IL18RAP: variants seen among roughly 807,000 people sequenced by gnomAD.
The protein encoded by IL18RAP is interleukin 18 receptor accessory protein.
A neutral mutation model predicts 58.1 loss-of-function variants in IL18RAP; 37 were observed. The observed-to-expected ratio is 0.64, with a 90% CI of 0.49 to 0.84. IL18RAP has a LOEUF of 0.84. Ranked by LOEUF, IL18RAP falls within the 40% of genes least tolerant of loss-of-function variation. The probability of loss-of-function intolerance (pLI) is 0.00; values close to 1 mark genes in which losing one functional copy is unlikely to be tolerated. For synonymous variants in IL18RAP, 268 were observed against 257.5 expected, an observed-to-expected ratio of 1.04 and a Z score of -0.39; for missense variants, 667 against 704.8, an observed-to-expected ratio of 0.95 and a Z score of 0.61.
chr2:102,438,405 T>G (rs1434976979), intron 4 of IL18RAP, among the ~76,000 whole-genome samples: 1 of 152,206 alleles, frequency 6.6e-6, no homozygotes, highest in African/African-American at 2.4e-5. Flanking sequence ...CTCCTGCCCC[T>G]TGCACCCTCT....
intron 1 of IL18RAP, 88 bp from the exon 2 acceptor site, chr2:102,423,723 C>A: frequency 1.1e-6 from 1 of 937,016 alleles, no homozygotes; most frequent in Non-Finnish European, 1.6e-6. Context: ...AGCTAGATCT[C>A]TTGTTAAATC....
chr2:102,445,820 T>TA (rs11334822), intron 7 of IL18RAP, among the ~76,000 whole-genome samples: 4,421 of 148,984 alleles, frequency 0.03, 71 homozygotes, highest in Middle Eastern at 0.062. Flanking sequence ...ACGGATATAT[T>TA]AAAAAAAAAA....
chr2:102,437,444 C>G, intron 4 of IL18RAP, 82 bp downstream of exon 4: 1 of 1,395,044 alleles, frequency 7.2e-7, no homozygotes, highest in Non-Finnish European at 9.8e-7. Flanking sequence ...AGTTTTTCCT[C>G]TTAGGGAAAG....
chr2:102,452,307 C>A lies in IL18RAP; in HGVS notation c.*126C>A. The A allele has an allele frequency of 1.1e-6, 1 of 904,914 alleles. No homozygotes were observed. Among genetic ancestry groups the A allele is most frequent in the Non-Finnish European group, 1.7e-6 (1 of 602,348 alleles). The allele number at this position is 904,914 out of a possible 1,614,324, so 56.1% of individuals were successfully genotyped here. A position where few individuals can be genotyped will look rare whatever the true frequency, so the allele number is the denominator to read the frequency against. On this transcript the variant is annotated 3_prime_UTR_variant, in exon 10 of 10. Transcript: ENST00000687160. ...CAAAGAGTCTCCTGCCAGCACCAAG[C>A]AAGCTTGATGGACAATGGAGTGGGA...
chr2:102,428,342 T>C (rs1682101801), intron 3 of IL18RAP, among the ~76,000 whole-genome samples: 2 of 151,222 alleles, frequency 1.3e-5, no homozygotes, highest in Admixed American at 1.3e-4. Context: ...CAGAATACTT[T>C]CATATTTATT....
chr2:102,437,964 G>A (rs1682859465), intron 4 of IL18RAP, among the ~76,000 whole-genome samples: 1 of 152,160 alleles, frequency 6.6e-6, no homozygotes, highest in African/African-American at 2.4e-5. Flanking sequence ...CCAATTTACA[G>A]CCCCATTAGC....
chr2:102,439,172 T>C (rs1450661694), intron 4 of IL18RAP: 1 of 152,216 alleles, frequency 6.6e-6, no homozygotes, highest in East Asian at 1.9e-4. Context: ...GGATTTTAAG[T>C]GGGAGAATGT....
rs908451321 is a variant in IL18RAP at position 102,441,401 on chromosome 2, G to A, written c.796+24G>A. 30 of 1,585,352 alleles carry A rather than the reference G, an allele frequency of 1.9e-5. No individual in the cohort carries two copies. The Admixed American group carries it at 3.8e-4, about 20-fold the overall frequency. On this transcript the variant is annotated intron_variant, in intron 5 of 9. Transcript: ENST00000687160. ...TGGTAAGCTGGGCCTCATCGCCTTT[G>A]AATGACATCGTGCTGCTGGGAGCAG...
chr2:102,442,321 A>G (rs1683154236), intron 5 of IL18RAP, among the ~76,000 whole-genome samples: 1 of 151,964 alleles, frequency 6.6e-6, no homozygotes, highest in African/African-American at 2.4e-5. Context: ...TTATTATTAT[A>G]CTTTCTAAAA....
chr2:102,429,727 A>C (rs553878318), intron 3 of IL18RAP, among the ~76,000 whole-genome samples: 3 of 152,088 alleles, frequency 2.0e-5, no homozygotes, highest in African/African-American at 7.2e-5. Flanking sequence ...TTCCCTCAGG[A>C]CTGCTTTCGC....
At chr2:102,422,275 T>C (rs1055799900), upstream of IL18RAP, among the ~76,000 whole-genome samples, 1 of 152,250 alleles carries the variant, frequency 6.6e-6, no homozygotes, top group Non-Finnish European at 1.5e-5. Context: ...TTTCTCTGTC[T>C]GGATTGCCAA....
At position 102,443,315 on chromosome 2, in the gene IL18RAP, G is replaced by C. The variant is rs1445267626; in HGVS notation, c.912G>C (p.Glu304Asp). Residue 304 changes from glutamate to aspartate, a missense_variant, in exon 6 of 10, where the codon GAG becomes GAC. Physicochemically the swap from Glu to Asp is conservative, Grantham distance 45 (BLOSUM62 2). Coordinates refer to ENST00000687160, the MANE Select transcript of IL18RAP (RefSeq NM_001393487.1). ...SDLEWEVSVPEAKSIKSTLKD... is the reference protein window; with the variant it reads ...SDLEWEVSVPDAKSIKSTLKD... ...TAGAGTGGGAAGTCTCAGTACCTGA[G>C]GCGAAAAGGTAAGAAAAAAACTCAC... 1 of 1,611,974 alleles carries C rather than the reference G, an allele frequency of 6.2e-7. No individual in the cohort carries two copies.
chr2:102,446,674 G>T (rs549302184), intron 7 of IL18RAP, among the ~76,000 whole-genome samples: 301 of 152,012 alleles, frequency 2.0e-3, no homozygotes, highest in African/African-American at 7.1e-3. Flanking sequence ...GGTGGCGGGC[G>T]CCTGTAGTCC....
chr2:102,437,490 C>G (rs923441297), intron 4 of IL18RAP, 128 bp downstream of exon 4: 3 of 817,684 alleles, frequency 3.7e-6, no homozygotes, highest in Non-Finnish European at 5.2e-6. Context: ...CATGTAAAAC[C>G]TTTCATGTGG....
At chr2:102,424,559 T>C (rs1343360778) in intron 3 of IL18RAP, 145 bp downstream of exon 3, 2 of 668,046 alleles carry the variant, frequency 3.0e-6, no homozygotes, top group Non-Finnish European at 5.0e-6. Context: ...GAGATCTGAC[T>C]TTCTAAAATA....
At chr2:102,423,154 C>G (rs1681683845), upstream of IL18RAP, 4 of 947,930 alleles carry the variant, frequency 4.2e-6, no homozygotes, top group Non-Finnish European at 6.7e-6. Flanking sequence ...CTGACTTCTT[C>G]ATTTCCCATT....
At chr2:102,443,150 A>C (rs1052802958) in intron 5 of IL18RAP, 50 bp from the exon 6 acceptor site, 6 of 1,570,106 alleles carry the variant, frequency 3.8e-6, no homozygotes, top group Admixed American at 2.0e-5. Context: ...TGTAGGACAA[A>C]GTATTCTCAC....
At chr2:102,441,435 G>GT (rs1391904745) in intron 5 of IL18RAP, 58 bp downstream of exon 5, 5 of 1,317,656 alleles carry the variant, frequency 3.8e-6, no homozygotes, top group Non-Finnish European at 4.4e-6. Context: ...AGGTCTAAGT[G>GT]TGATAGAAGG....
At chr2:102,449,648 G>C (rs1195505831) in intron 8 of IL18RAP, among the ~76,000 whole-genome samples, 2 of 152,136 alleles carry the variant, frequency 1.3e-5, no homozygotes, top group East Asian at 1.9e-4. Flanking sequence ...AAATTTTAGA[G>C]ATGTAGAATG....
Sources: allele counts gnomAD v4.1 joint callset (sites outside exome capture counted in the v4.1 genomes callset), GRCh38; gene constraint gnomAD v4.1.1; transcripts MANE v1.5; gene names NCBI Gene and HGNC (gene_info 2026-07-23, HGNC 2026-07-21).